The following CD164 variants were observed in gnomAD, a reference collection of about 807,000 sequenced individuals.
CD164 encodes CD164 molecule.
In CD164, 11 loss-of-function variants were observed where a neutral mutation model predicts 24.6. The ratio of observed to expected loss-of-function variants is 0.45; its 90% CI spans 0.28 to 0.74. The LOEUF (loss-of-function observed/expected upper bound fraction) is 0.74. CD164 is among the 30% of genes least tolerant of loss of function. The pLI, the probability that CD164 is intolerant of heterozygous loss-of-function variation, is 0.13. For synonymous variants in CD164, 126 were observed against 100.3 expected, an observed-to-expected ratio of 1.26 and a Z score of -1.53; for missense variants, 295 against 243.7, an observed-to-expected ratio of 1.21 and a Z score of -1.40.
At chr6:109,373,053 A>C (rs1771176016) in intron 4 of CD164, among the ~76,000 whole-genome samples, 1 of 152,142 alleles carries the variant, frequency 6.6e-6, no homozygotes, top group South Asian at 2.1e-4. Flanking sequence ...GTTAAAAAAA[A>C]ATAATAATAA....
intron 3 of CD164, among the ~76,000 whole-genome samples, chr6:109,376,928 G>A (rs1028819762): frequency 1.3e-5 from 2 of 152,194 alleles, no homozygotes; most frequent in African/African-American, 4.8e-5. Flanking sequence ...TTAAGCCCAG[G>A]AGTTCAAGAC....
chr6:109,375,565 C>T (rs964173311), intron 4 of CD164, among the ~76,000 whole-genome samples: 3 of 146,696 alleles, frequency 2.0e-5, no homozygotes, highest in African/African-American at 7.6e-5. Flanking sequence ...TGCAGTGAAC[C>T]GAGATCGTAC....
chr6:109,382,061 A>T lies in CD164; in HGVS notation c.175+143T>A, dbSNP rs913287363. ...ACGAGTGGACTCCAGGCTGGCCGCC[A>T]TGTTGCCGGAGTCGCCGCCGCACCC... On this transcript the variant is annotated intron_variant, in intron 1 of 5. Transcript: ENST00000310786. 8 of 634,716 alleles carry T rather than the reference A, an allele frequency of 1.3e-5. No homozygotes were observed. In the South Asian group the frequency reaches 4.4e-4, roughly 35 times the overall value. 39.3% of individuals were successfully genotyped at this position (634,716 alleles called of 1,614,324 possible). A position where few individuals can be genotyped will look rare whatever the true frequency, so the allele number is the denominator to read the frequency against.
Position 109,382,439 on chromosome 6 carries a change from C to A in CD164, c.-61G>T, listed in dbSNP as rs1458023507. 3 of 1,394,036 alleles carry A rather than the reference C, an allele frequency of 2.2e-6. No homozygotes were observed. Among genetic ancestry groups the A allele is most frequent in the African/African-American group, 3.0e-5 (2 of 67,664 alleles). The allele number at this position is 1,394,036 out of a possible 1,614,324, so 86.4% of individuals were successfully genotyped here. A position where few individuals can be genotyped will look rare whatever the true frequency, so the allele number is the denominator to read the frequency against. ...GGCTCGCAACGCTCAGTCAACCCCTCAATCCCCTGCGGCGCCGCCTCCGAG... is the reference window on the plus strand; with the variant it reads ...GGCTCGCAACGCTCAGTCAACCCCTAAATCCCCTGCGGCGCCGCCTCCGAG... On this transcript the variant is annotated 5_prime_UTR_variant, in exon 1 of 6. Coordinates refer to ENST00000310786, the MANE Select transcript of CD164 (RefSeq NM_006016.6).
rs540574633 is a variant in CD164 at position 109,368,561 on chromosome 6, A to T, written c.*290T>A. 168 of 1,334,960 alleles carry T rather than the reference A, an allele frequency of 1.3e-4. No individual in the cohort carries two copies. The African/African-American group carries it at 2.3e-3, about 19-fold the overall frequency. The allele number at this position is 1,334,960 out of a possible 1,614,324, so 82.7% of individuals were successfully genotyped here. ...AGACAACATTTTCCATCACTTTCAG[A>T]AAGTTATATTTGGCATGTTAAGGAA... On this transcript the variant is annotated 3_prime_UTR_variant, in exon 6 of 6. Coordinates refer to ENST00000310786, the MANE Select transcript of CD164 (RefSeq NM_006016.6).
chr6:109,371,576 G>C (rs572709744), intron 4 of CD164: 1 of 153,830 alleles, frequency 6.5e-6, no homozygotes, highest in East Asian at 1.9e-4. Context: ...GTTTCTATTG[G>C]TAGTATGAAT....
chr6:109,370,440 G>A lies in CD164; in HGVS notation c.398C>T (p.Ser133Phe). 1.9e-6 allele frequency: 3 copies of A among 1,613,340 alleles called. No homozygotes were observed. The highest frequency in any genetic ancestry group is 2.5e-6 in the Non-Finnish European group (3 of 1,179,534). Reference sequence around the variant, plus strand: ...TGTAGTAACTGTCTTGGAAGTTGTAGAAGGGGAGGGCTGAACTGTGGGTTT... The same window carrying A: ...TGTAGTAACTGTCTTGGAAGTTGTAAAAGGGGAGGGCTGAACTGTGGGTTT... ...TAKPTVQPSPSTTSKTVTTSG... is the reference protein window; with the variant it reads ...TAKPTVQPSPFTTSKTVTTSG... The change falls in exon 5 of 6, where the codon TCT becomes TTT. Residue 133 changes from serine (S) to phenylalanine (F), a missense_variant. Ser to Phe is a radical substitution (Grantham distance 155, BLOSUM62 -2). Transcript: ENST00000310786.
At chr6:109,370,499 A>C (rs750278513) in intron 4 of CD164, 32 bp from the exon 5 acceptor site, 1 of 1,578,522 alleles carries the variant, frequency 6.3e-7, no homozygotes. Flanking sequence ...TTTTTAAAAA[A>C]CCTTAAATTT....
intron 1 of CD164, chr6:109,379,863 A>G (rs942799414): frequency 2.0e-6 from 1 of 507,984 alleles, no homozygotes; most frequent in Non-Finnish European, 3.5e-6. Context: ...TAGAAAAACA[A>G]GCTAGTGGTC....
chr6:109,370,328 G>A (rs1771007200), intron 5 of CD164, 83 bp downstream of exon 5: 3 of 1,127,550 alleles, frequency 2.7e-6, no homozygotes, highest in Non-Finnish European at 4.0e-6. Context: ...AACGAAGAAA[G>A]CTGGAAAATG....
intron 4 of CD164, chr6:109,373,015 A>T (rs966790429): frequency 2.0e-5 from 3 of 152,092 alleles, no homozygotes; most frequent in Non-Finnish European, 4.4e-5. Flanking sequence ...TGTTTCTTTT[A>T]CTGAAAAAAA....
At chr6:109,378,194 C>T (rs889252306) in intron 2 of CD164, among the ~76,000 whole-genome samples, 9 of 152,188 alleles carry the variant, frequency 5.9e-5, no homozygotes, top group Non-Finnish European at 1.3e-4. Flanking sequence ...TAACTTTTAT[C>T]CATTAAAAAT....
In CD164 at chr6:109,368,699, C is replaced by T. The variant is rs9487075; in HGVS notation, c.*152G>A. 43,144 of 1,383,846 alleles carry T rather than the reference C, an allele frequency of 0.031. 3,545 individuals carry two copies. Among genetic ancestry groups the T allele is most frequent in the African/African-American group, 0.31 (20,842 of 67,248 alleles). The allele number at this position is 1,383,846 out of a possible 1,614,324, so 85.7% of individuals were successfully genotyped here. ...AATGATTTAATTGATTTTTTCTTCA[C>T]GGATGATGCTCCCAAACATCCTATA... is the stretch of plus-strand genomic sequence containing the variant. On this transcript the variant is annotated 3_prime_UTR_variant, in exon 6 of 6. Coordinates refer to ENST00000310786, the MANE Select transcript of CD164 (RefSeq NM_006016.6).
rs1366877166 is a variant in CD164 at position 109,382,371 on chromosome 6, C to T, written c.8G>A (p.Arg3Gln). Residue 3 changes from arginine (R) to glutamine (Q), a missense_variant, in exon 1 of 6, where the codon CGG (arginine) becomes CAG (glutamine). By Grantham distance (43) the Arg-to-Gln change is conservative. Transcript: ENST00000310786. MS[R>Q]LSRSLLWAAT... ...GGCCCAAAGCAGTGAGCGGGAGAGCCGCGACATCGTGTCCTCAGCGCTGGC... is the reference window on the plus strand; with the variant it reads ...GGCCCAAAGCAGTGAGCGGGAGAGCTGCGACATCGTGTCCTCAGCGCTGGC... 2 of 1,541,772 alleles carry T rather than the reference C, an allele frequency of 1.3e-6. No homozygotes were observed. Among genetic ancestry groups the T allele is most frequent in the East Asian group, 2.4e-5 (1 of 40,820 alleles).
intron 5 of CD164, 80 bp downstream of exon 5, chr6:109,370,331 G>T: frequency 8.5e-7 from 1 of 1,170,944 alleles, no homozygotes; most frequent in Non-Finnish European, 1.3e-6. Context: ...GAAGAAAGCT[G>T]GAAAATGATG....
At position 109,366,930 on chromosome 6, in the gene CD164, T is replaced by C. The variant is rs1320469617; in HGVS notation, c.*1921A>G. 1 of 152,248 alleles carries C rather than the reference T, an allele frequency of 6.6e-6. No individual in the cohort carries two copies. The highest frequency in any genetic ancestry group is 1.5e-5 in the Non-Finnish European group (1 of 68,014). The allele number at this position is 152,248 out of a possible 1,614,324, so 9.4% of individuals were successfully genotyped here. A position where few individuals can be genotyped will look rare whatever the true frequency, so the allele number is the denominator to read the frequency against. Reference sequence around the variant, plus strand: ...ATTGTTATGTTTTCACAAAATTTGCTACATATGTTGACATGAATGTGTGTC... The same window carrying C: ...ATTGTTATGTTTTCACAAAATTTGCCACATATGTTGACATGAATGTGTGTC... On this transcript the variant is annotated 3_prime_UTR_variant, in exon 6 of 6. Transcript: ENST00000310786.
Position 109,370,405 on chromosome 6 carries a change from A to G in CD164, c.427+6T>C. The G allele has an allele frequency of 6.2e-7, 1 of 1,609,100 alleles. No homozygotes were observed. Among genetic ancestry groups the G allele is most frequent in the Non-Finnish European group, 8.5e-7 (1 of 1,175,650 alleles). ...CATCATTGCTAATCTAAAAAGCCTC[A>G]ATTACCTGATGTAGTAACTGTCTTG... On this transcript the variant is annotated splice_donor_region_variant and intron_variant, in intron 5 of 5. Coordinates refer to ENST00000310786, the MANE Select transcript of CD164 (RefSeq NM_006016.6).
At chr6:109,378,182 TCTAA>T (rs1582486972) in intron 2 of CD164, among the ~76,000 whole-genome samples, 1 of 152,186 alleles carries the variant, frequency 6.6e-6, no homozygotes, top group South Asian at 2.1e-4. Flanking sequence ...GCAGGATCCT[TCTAA>T]CTTTTATCCA....
chr6:109,377,531 T>C (rs1384914202), intron 3 of CD164, among the ~76,000 whole-genome samples: 2 of 151,940 alleles, frequency 1.3e-5, no homozygotes, highest in Non-Finnish European at 2.9e-5. Context: ...GCAGAATAAA[T>C]TTATCAATCA....
Sources: gnomAD v4.1 joint callset for allele counts (sites outside exome capture counted in the v4.1 genomes callset) on GRCh38, gnomAD v4.1.1 for gene constraint, MANE v1.5 for transcripts, NCBI Gene and HGNC (gene_info 2026-07-23, HGNC 2026-07-21) for gene names.